Variants in ZSCAN5A observed in about 807,000 individuals in gnomAD.
The protein encoded by ZSCAN5A is zinc finger and SCAN domain containing 5A, also known as zinc finger and SCAN domain-containing protein 5A.
ZSCAN5A carries 12 observed loss-of-function variants against 23.7 expected under a neutral mutation model. The ratio of observed to expected loss-of-function variants is 0.51; its 90% CI spans 0.32 to 0.82. ZSCAN5A has a LOEUF of 0.82. ZSCAN5A is among the 40% of genes least tolerant of loss of function. The pLI, the probability that ZSCAN5A is intolerant of heterozygous loss-of-function variation, is 0.03. For missense variants in ZSCAN5A, 597 were observed against 617.9 expected, an observed-to-expected ratio of 0.97 and a Z score of 0.36; for synonymous variants, 257 against 239.9, an observed-to-expected ratio of 1.07 and a Z score of -0.66.
At chr19:56,308,616 GC>G (rs1056029606) in intron 2 of ZSCAN5A, among the ~76,000 whole-genome samples, 1 of 148,976 alleles carries the variant, frequency 6.7e-6, no homozygotes, top group African/African-American at 2.5e-5. Flanking sequence ...GAGCCACCAC[GC>G]CCCCCCATAT....
intron 2 of ZSCAN5A, among the ~76,000 whole-genome samples, chr19:56,230,769 G>GA (rs1397416858): frequency 1.3e-5 from 2 of 152,030 alleles, no homozygotes; most frequent in Admixed American, 1.3e-4. Context: ...GTAAAATATA[G>GA]AAAATAAAAA....
intron 2 of ZSCAN5A, among the ~76,000 whole-genome samples, chr19:56,268,900 G>T (rs1014618055): frequency 6.6e-6 from 1 of 152,050 alleles, no homozygotes; most frequent in Non-Finnish European, 1.5e-5. Context: ...TTTGTGTCTG[G>T]CTGCTTTTAC....
At chr19:56,279,279 CTCT>C (rs1303883058) in intron 2 of ZSCAN5A, among the ~76,000 whole-genome samples, 2 of 151,828 alleles carry the variant, frequency 1.3e-5, no homozygotes, top group African/African-American at 4.9e-5. Flanking sequence ...GGAAAAAGAT[CTCT>C]TTTTTTTCCA....
intron 2 of ZSCAN5A, among the ~76,000 whole-genome samples, chr19:56,227,992 A>T (rs144139075): frequency 6.6e-4 from 100 of 152,168 alleles, no homozygotes; most frequent in African/African-American, 2.4e-3. Context: ...CAGGAATTCC[A>T]GGCTAGTCTG....
intron 2 of ZSCAN5A, among the ~76,000 whole-genome samples, chr19:56,334,154 T>C (rs1250140165): frequency 1.3e-5 from 2 of 152,184 alleles, no homozygotes; most frequent in Non-Finnish European, 2.9e-5. Context: ...GTGTCAACCA[T>C]GTACCCAGAG....
chr19:56,295,193 CAAGTT>C (rs1477091727), intron 2 of ZSCAN5A: 3 of 152,108 alleles, frequency 2.0e-5, no homozygotes, highest in East Asian at 1.9e-4. Context: ...ATATACCAGT[CAAGTT>C]GTTATTAAAA....
chr19:56,312,225 A>C (rs1272725532), intron 2 of ZSCAN5A: 2 of 152,238 alleles, frequency 1.3e-5, no homozygotes, highest in East Asian at 3.8e-4. Context: ...ATATTTTCTA[A>C]CATTTATAGT....
chr19:56,273,202 C>T (rs1054262091), intron 2 of ZSCAN5A, among the ~76,000 whole-genome samples: 20 of 152,154 alleles, frequency 1.3e-4, no homozygotes, highest in Admixed American at 1.0e-3. Context: ...CTCATCTGAC[C>T]AACGGGGCTC....
chr19:56,290,496 C>A (rs1240803216), intron 2 of ZSCAN5A, among the ~76,000 whole-genome samples: 6 of 152,090 alleles, frequency 3.9e-5, no homozygotes, highest in Admixed American at 1.3e-4. Context: ...GGCCTAGGAC[C>A]CTACTTCATA....
At chr19:56,240,905 C>T (rs548997193) in intron 2 of ZSCAN5A, among the ~76,000 whole-genome samples, 2 of 152,240 alleles carry the variant, frequency 1.3e-5, no homozygotes, top group African/African-American at 2.4e-5. Flanking sequence ...GATGGGGTCT[C>T]GGTATGTTGC....
chr19:56,326,042 C>T (rs2041429699), intron 2 of ZSCAN5A, among the ~76,000 whole-genome samples: 1 of 151,860 alleles, frequency 6.6e-6, no homozygotes, highest in South Asian at 2.1e-4. Flanking sequence ...ACGCCATTCT[C>T]CTGCCTCAGC....
At chr19:56,238,820 A>C (rs1449749306) in intron 2 of ZSCAN5A, among the ~76,000 whole-genome samples, 1 of 149,590 alleles carries the variant, frequency 6.7e-6, no homozygotes, top group Non-Finnish European at 1.5e-5. Flanking sequence ...GATCCAACTC[A>C]ATCCCTACCA....
At chr19:56,292,064 G>A (rs192443508) in intron 2 of ZSCAN5A, among the ~76,000 whole-genome samples, 1 of 152,218 alleles carries the variant, frequency 6.6e-6, no homozygotes, top group Admixed American at 6.5e-5. Flanking sequence ...GTGACGGTGG[G>A]TTACGGATCC....
In ZSCAN5A at chr19:56,222,715, A is replaced by C; in HGVS notation, c.615T>G (p.Ser205Arg). 1 of 1,613,908 alleles carries C rather than the reference A, an allele frequency of 6.2e-7. No individual in the cohort carries two copies. Among genetic ancestry groups the C allele is most frequent in the Non-Finnish European group, 8.5e-7 (1 of 1,179,996 alleles). The stretch of plus-strand genomic sequence containing the variant: ...ACTTTGGGTCACCTGTTACGTCAAT[A>C]CTCTTGTGTAGCAGAAAGTCCTCTC... ...RQGEDFLLHKSIDVTGDPKSL... is the reference protein window; with the variant it reads ...RQGEDFLLHKRIDVTGDPKSL... The change falls in exon 5 of 6, where the codon AGT (serine) becomes AGG (arginine). Residue 205 changes from serine to arginine, a missense_variant. By Grantham distance (110) the Ser-to-Arg change is moderately radical. Transcript: ENST00000683990.
chr19:56,245,647 C>A (rs146332912), intron 2 of ZSCAN5A, among the ~76,000 whole-genome samples: 52 of 150,098 alleles, frequency 3.5e-4, no homozygotes, highest in Non-Finnish European at 5.7e-4. Flanking sequence ...GGTGGGGGGT[C>A]AGAAATGGTC....
At chr19:56,355,169 A>C (rs1400295706) in intron 2 of ZSCAN5A, among the ~76,000 whole-genome samples, 1 of 149,622 alleles carries the variant, frequency 6.7e-6, no homozygotes. Flanking sequence ...TCTCCCATAC[A>C]TAATTTCAGA....
chr19:56,304,772 A>G (rs1298402763), intron 2 of ZSCAN5A: 13 of 985,046 alleles, frequency 1.3e-5, no homozygotes, highest in Non-Finnish European at 1.6e-5. Flanking sequence ...CTCTGTTCCC[A>G]GTTCACTTTT....
intron 2 of ZSCAN5A, among the ~76,000 whole-genome samples, chr19:56,242,177 C>T (rs1272788597): frequency 3.3e-5 from 5 of 152,134 alleles, no homozygotes; most frequent in Admixed American, 1.3e-4. Context: ...GGACCCCTTT[C>T]CCCCGAATCC....
chr19:56,288,623 G>C (rs924321297), intron 2 of ZSCAN5A, among the ~76,000 whole-genome samples: 1 of 152,222 alleles, frequency 6.6e-6, no homozygotes, highest in Non-Finnish European at 1.5e-5. Context: ...TACCTTGCGT[G>C]ATGCCCAGCA....
Sources: gnomAD v4.1 joint callset for allele counts (sites outside exome capture counted in the v4.1 genomes callset) on GRCh38, gnomAD v4.1.1 for gene constraint, MANE v1.5 for transcripts, NCBI Gene and HGNC (gene_info 2026-07-23, HGNC 2026-07-21) for gene names.